The following CADM1 variants were observed in gnomAD, a reference collection of about 807,000 sequenced individuals.
CADM1 encodes cell adhesion molecule 1.
A neutral mutation model predicts 53.1 loss-of-function variants in CADM1; 15 were observed. The ratio of observed to expected loss-of-function variants is 0.28; its 90% CI spans 0.19 to 0.44. The LOEUF is 0.44. CADM1 is among the 20% of genes least tolerant of loss of function. The probability of loss-of-function intolerance (pLI) is 1.00; values close to 1 mark genes in which losing one functional copy is unlikely to be tolerated. For missense variants in CADM1, 434 were observed against 611.3 expected (o/e 0.71, Z 3.06); for synonymous variants, 281 against 243.0 (o/e 1.16, Z -1.45).
rs1439583150 is a variant in CADM1 at position 115,174,665 on chromosome 11, G to C, written c.*1809C>G. The C allele has an allele frequency of 1.0e-6, 1 of 983,410 alleles. No homozygotes were observed. The highest frequency in any genetic ancestry group is 4.7e-5 in the South Asian group (1 of 21,244). 60.9% of individuals were successfully genotyped at this position (983,410 alleles called of 1,614,324 possible). ...TTCCCCCTTAAATAAATCAGCATAA[G>C]TTTTCCACATAATGTAACAATAGTA... On this transcript the variant is annotated 3_prime_UTR_variant, in exon 12 of 12. Transcript: ENST00000331581.
rs377356602 is a variant in CADM1 at position 115,379,786 on chromosome 11, G to A, written c.124+124485C>T. Among the ~76,000 whole-genome samples, 25 of 152,268 alleles carry A rather than the reference G, an allele frequency of 1.6e-4. No individual in the cohort carries two copies. The East Asian group carries it at 2.7e-3, about 16-fold the overall frequency. On this transcript the variant is annotated intron_variant, in intron 1 of 11. Coordinates refer to ENST00000331581, the MANE Select transcript of CADM1 (RefSeq NM_001301043.2). ...ACTCATTTCATTCTGCAGATTTTAT[G>A]AGTTTATTGACACAAACACAGAAAA...
At chr11:115,361,608 C>T (rs1270404038) in intron 1 of CADM1, among the ~76,000 whole-genome samples, 3 of 152,236 alleles carry the variant, frequency 2.0e-5, no homozygotes, top group Non-Finnish European at 2.9e-5. Flanking sequence ...AAATTTATTT[C>T]GAGGAAAATG....
intron 1 of CADM1, among the ~76,000 whole-genome samples, chr11:115,388,377 G>A (rs1946752911): frequency 6.6e-6 from 1 of 152,136 alleles, no homozygotes; most frequent in Admixed American, 6.6e-5. Context: ...ACTGGTTCAA[G>A]CAAGGATCAT....
At chr11:115,337,347 T>C (rs1945293964) in intron 1 of CADM1, among the ~76,000 whole-genome samples, 1 of 152,176 alleles carries the variant, frequency 6.6e-6, no homozygotes, top group South Asian at 2.1e-4. Context: ...CACATAATTG[T>C]CTGTCTTCCA....
chr11:115,187,592 C>A (rs1049248829), intron 10 of CADM1, among the ~76,000 whole-genome samples: 2 of 152,108 alleles, frequency 1.3e-5, no homozygotes, highest in African/African-American at 2.4e-5. Context: ...AGGTGCATGC[C>A]ACCACGCCTG....
intron 6 of CADM1, among the ~76,000 whole-genome samples, chr11:115,216,332 C>G (rs2134768116): frequency 6.6e-6 from 1 of 152,204 alleles, no homozygotes; most frequent in South Asian, 2.1e-4. Flanking sequence ...ATTTACTGTC[C>G]CCGTGGCACA....
chr11:115,420,680 C>T (rs1591212800), intron 1 of CADM1, among the ~76,000 whole-genome samples: 1 of 152,156 alleles, frequency 6.6e-6, no homozygotes, highest in East Asian at 1.9e-4. Context: ...TGCAGTGCCG[C>T]AGTTGGTTTT....
chr11:115,409,653 C>G (rs942723686), intron 1 of CADM1, among the ~76,000 whole-genome samples: 1 of 151,662 alleles, frequency 6.6e-6, no homozygotes, highest in Non-Finnish European at 1.5e-5. Context: ...AAATAATCCA[C>G]GGAGAATGCA....
chr11:115,476,674 A>G (rs528063054), intron 1 of CADM1, among the ~76,000 whole-genome samples: 1 of 152,214 alleles, frequency 6.6e-6, no homozygotes, highest in African/African-American at 2.4e-5. Flanking sequence ...ACTACTCAAC[A>G]TTTACACAAT....
At position 115,406,232 on chromosome 11, in the gene CADM1, T is replaced by C. The variant is rs192836967; in HGVS notation, c.124+98039A>G. 2.0e-5 allele frequency among the ~76,000 whole-genome samples: 3 copies of C among 152,208 alleles called. No individual in the cohort carries two copies. In the East Asian group the frequency reaches 5.8e-4, roughly 29 times the overall value. ...TATCCAAATACTTCCTCCCTCATTA[T>C]TCATATATTCACTCGCTTCCTTAAG... On this transcript the variant is annotated intron_variant, in intron 1 of 11. Coordinates refer to ENST00000331581, the MANE Select transcript of CADM1 (RefSeq NM_001301043.2).
At chr11:115,214,548 C>A in intron 7 of CADM1, 60 bp downstream of exon 7, 1 of 1,506,326 alleles carries the variant, frequency 6.6e-7, no homozygotes, top group Non-Finnish European at 9.2e-7. Flanking sequence ...GAGAGTAAAT[C>A]ACAAGTAGCA....
chr11:115,229,402 G>T, intron 4 of CADM1, 131 bp from the exon 5 acceptor site: 1 of 817,714 alleles, frequency 1.2e-6, no homozygotes, highest in Non-Finnish European at 2.1e-6. Context: ...TACTTGGGAT[G>T]AGAGTAACCT....
intron 10 of CADM1, among the ~76,000 whole-genome samples, chr11:115,185,811 CGAGT>C (rs1260485658): frequency 1.3e-5 from 2 of 152,150 alleles, no homozygotes; most frequent in Non-Finnish European, 2.9e-5. Flanking sequence ...GGACAGTTGT[CGAGT>C]ATTTCCAAAC....
At chr11:115,392,713 T>C (rs1946867759) in intron 1 of CADM1, among the ~76,000 whole-genome samples, 1 of 152,154 alleles carries the variant, frequency 6.6e-6, no homozygotes, top group Non-Finnish European at 1.5e-5. Flanking sequence ...GAGATGGTCA[T>C]TTCCAGCCAG....
At chr11:115,216,318 T>C (rs1941180000) in intron 6 of CADM1, among the ~76,000 whole-genome samples, 1 of 152,242 alleles carries the variant, frequency 6.6e-6, no homozygotes, top group Admixed American at 6.5e-5. Flanking sequence ...GAAGGAAACA[T>C]GTAATTTACT....
intron 1 of CADM1, among the ~76,000 whole-genome samples, chr11:115,366,937 T>C (rs1465457219): frequency 6.6e-6 from 1 of 152,264 alleles, no homozygotes; most frequent in African/African-American, 2.4e-5. Context: ...ATTTTATGTG[T>C]GGTCAATGCT....
chr11:115,278,413 A>G (rs1943500951), intron 1 of CADM1, among the ~76,000 whole-genome samples: 1 of 152,222 alleles, frequency 6.6e-6, no homozygotes, highest in African/African-American at 2.4e-5. Flanking sequence ...TAACTAGGAT[A>G]AGGAGCAGGG....
chr11:115,245,637 G>A (rs896167930), intron 1 of CADM1, among the ~76,000 whole-genome samples: 5 of 152,102 alleles, frequency 3.3e-5, no homozygotes, highest in Non-Finnish European at 5.9e-5. Context: ...TCCTGCTAAC[G>A]TTTCTGAGAG....
intron 1 of CADM1, among the ~76,000 whole-genome samples, chr11:115,366,172 T>G (rs771686574): frequency 5.9e-5 from 9 of 152,198 alleles, no homozygotes; most frequent in African/African-American, 2.2e-4. Flanking sequence ...GACCATATAA[T>G]GCACGCACAT....
Sources: allele counts gnomAD v4.1 joint callset (sites outside exome capture counted in the v4.1 genomes callset), GRCh38; gene constraint gnomAD v4.1.1; transcripts MANE v1.5; gene names NCBI Gene and HGNC (gene_info 2026-07-23, HGNC 2026-07-21).